PATJ: variants seen among roughly 807,000 people sequenced by gnomAD.
The protein encoded by PATJ is inaD-like protein.
Under a neutral mutation model 224.9 loss-of-function variants are expected in PATJ, and 190 were observed. The observed-to-expected ratio is 0.84, with a 90% confidence interval of 0.75 to 0.95. The LOEUF (loss-of-function observed/expected upper bound fraction) is 0.95. Among genes scored for constraint, PATJ ranks in the 40% least tolerant of loss-of-function variants. The pLI is 0.00. For missense variants in PATJ, 2,121 were observed against 2,270.3 expected (o/e 0.93, Z 1.34); for synonymous variants, 769 against 820.3 (o/e 0.94, Z 1.07).
chr1:62,149,465 T>TG (rs1357986851), intron 42 of PATJ, among the ~76,000 whole-genome samples: 23 of 152,182 alleles, frequency 1.5e-4, no homozygotes, highest in African/African-American at 5.1e-4. Context: ...AATGACATCT[T>TG]TGAGTTTATT....
Position 61,833,650 on chromosome 1 carries a change from T to G in PATJ, c.1981-4T>G. 6.2e-7 allele frequency: 1 copy of G among 1,604,408 alleles called. No homozygotes were observed. Among genetic ancestry groups the G allele is most frequent in the Non-Finnish European group, 8.5e-7 (1 of 1,176,358 alleles). ...TGAAGCATTTATCTTCTTTGGTATT[T>G]CAGGTTGACCACAATATGGATGTCA... On this transcript the variant is annotated splice_polypyrimidine_tract_variant and splice_region_variant and intron_variant, in intron 16 of 43. Coordinates refer to ENST00000642238, the MANE Select transcript of PATJ (RefSeq NM_001350145.3).
At chr1:62,077,487 G>A (rs58987719) in intron 31 of PATJ, among the ~76,000 whole-genome samples, 4,563 of 151,934 alleles carry the variant, frequency 0.03, 222 homozygotes, top group African/African-American at 0.1. Flanking sequence ...CCAGGAGTTC[G>A]AGACCAGCCT....
At chr1:61,943,080 A>G (rs1210574863) in intron 27 of PATJ, among the ~76,000 whole-genome samples, 2 of 152,166 alleles carry the variant, frequency 1.3e-5, no homozygotes. Flanking sequence ...TTCAGCAATG[A>G]AAAGGAGTTC....
At chr1:61,960,771 A>T (rs909359371) in intron 27 of PATJ, among the ~76,000 whole-genome samples, 1 of 152,028 alleles carries the variant, frequency 6.6e-6, no homozygotes, top group Non-Finnish European at 1.5e-5. Context: ...TCTTGATGCC[A>T]GTGGGTTCTC....
chr1:61,914,865 AATAC>A (rs1673224279), intron 26 of PATJ, among the ~76,000 whole-genome samples: 2 of 152,130 alleles, frequency 1.3e-5, no homozygotes. Flanking sequence ...TAGATGCAAA[AATAC>A]TATAAACGGC....
chr1:61,750,229 A>G (rs1557573477), intron 1 of PATJ, among the ~76,000 whole-genome samples: 1 of 152,172 alleles, frequency 6.6e-6, no homozygotes, highest in South Asian at 2.1e-4. Flanking sequence ...ACCAAAGCAG[A>G]CCAAGGTCCT....
intron 27 of PATJ, among the ~76,000 whole-genome samples, chr1:61,936,599 T>C (rs1402413131): frequency 6.6e-6 from 1 of 152,172 alleles, no homozygotes; most frequent in African/African-American, 2.4e-5. Context: ...AGACAGGGTC[T>C]CTCGCTCTGT....
chr1:62,035,333 GAT>G (rs1416073229), intron 29 of PATJ, among the ~76,000 whole-genome samples: 1 of 152,194 alleles, frequency 6.6e-6, no homozygotes, highest in African/African-American at 2.4e-5. Context: ...CGCCTAGATA[GAT>G]AGTCTAAGAA....
chr1:61,895,943 T>C (rs1439612908), intron 22 of PATJ, among the ~76,000 whole-genome samples: 1 of 152,180 alleles, frequency 6.6e-6, no homozygotes, highest in Non-Finnish European at 1.5e-5. Context: ...GTCCACCCCT[T>C]GAATCAGCAT....
chr1:61,908,266 A>G, intron 24 of PATJ, 106 bp from the exon 25 acceptor site: 2 of 729,900 alleles, frequency 2.7e-6, no homozygotes, highest in Non-Finnish European at 4.7e-6. Flanking sequence ...TCTACTCATT[A>G]GACTCTGGTT....
chr1:61,756,861 C>T lies in PATJ; in HGVS notation c.-35-5997C>T, dbSNP rs1245598835. Among the ~76,000 whole-genome samples the T allele has an allele frequency of 5.3e-5, 8 of 151,934 alleles. 1 individual carries two copies. In the East Asian group the frequency reaches 1.6e-3, roughly 29 times the overall value. ...TGCTGGGATTATAGGCATGAACCAC[C>T]ATGCCTGGCCTGTTTTTTAAATTTA... On this transcript the variant is annotated intron_variant, in intron 1 of 43. Coordinates refer to ENST00000642238, the MANE Select transcript of PATJ (RefSeq NM_001350145.3).
At chr1:61,995,915 G>A (rs981071030) in intron 28 of PATJ, among the ~76,000 whole-genome samples, 5 of 152,202 alleles carry the variant, frequency 3.3e-5, no homozygotes, top group Non-Finnish European at 4.4e-5. Flanking sequence ...TGATGGTGCT[G>A]TGCAGGGAAT....
chr1:62,115,671 T>C (rs1258135082), intron 35 of PATJ, among the ~76,000 whole-genome samples: 1 of 149,550 alleles, frequency 6.7e-6, no homozygotes, highest in Non-Finnish European at 1.5e-5. Context: ...GGTAATATCC[T>C]AATATGGCCT....
intron 27 of PATJ, among the ~76,000 whole-genome samples, chr1:61,980,295 A>C (rs1006106639): frequency 6.6e-6 from 1 of 152,054 alleles, no homozygotes; most frequent in Non-Finnish European, 1.5e-5. Flanking sequence ...AAAAAAAATA[A>C]AAAATAAATA....
chr1:61,985,906 A>G (rs12062458), intron 27 of PATJ, among the ~76,000 whole-genome samples: 38,987 of 151,926 alleles, frequency 0.26, 5,394 homozygotes, highest in East Asian at 0.45. Context: ...AAAACTCGAC[A>G]TAACTATATC....
At chr1:61,864,056 T>C (rs563871906) in intron 19 of PATJ, among the ~76,000 whole-genome samples, 182 bp from the exon 20 acceptor site, 92 of 152,372 alleles carry the variant, frequency 6.0e-4, no homozygotes, top group African/African-American at 2.1e-3. Context: ...GTCCCTCTTC[T>C]GGGTTAAGGA....
At chr1:61,762,976 A>T in intron 2 of PATJ, 37 bp from the exon 3 acceptor site, 1 of 1,559,550 alleles carries the variant, frequency 6.4e-7, no homozygotes, top group Non-Finnish European at 8.8e-7. Flanking sequence ...CTCAAATGGG[A>T]CTTAACTATT....
chr1:62,007,210 C>T (rs1008265872), intron 28 of PATJ, among the ~76,000 whole-genome samples: 2 of 152,120 alleles, frequency 1.3e-5, no homozygotes, highest in African/African-American at 2.4e-5. Flanking sequence ...GTTGGAAATT[C>T]AGAACCTGGG....
chr1:62,145,353 G>C (rs1156672430), intron 41 of PATJ, among the ~76,000 whole-genome samples: 1 of 152,216 alleles, frequency 6.6e-6, no homozygotes, highest in Non-Finnish European at 1.5e-5. Flanking sequence ...CAGTTCATTA[G>C]ATAGTGATGG....
Sources: gnomAD v4.1 joint callset for allele counts (sites outside exome capture counted in the v4.1 genomes callset) on GRCh38, gnomAD v4.1.1 for gene constraint, MANE v1.5 for transcripts, NCBI Gene and HGNC (gene_info 2026-07-23, HGNC 2026-07-21) for gene names.